PTPRD: variants seen among roughly 807,000 people sequenced by gnomAD.
PTPRD encodes the protein receptor-type tyrosine-protein phosphatase delta.
PTPRD carries 34 observed loss-of-function variants against 214.5 expected under a neutral mutation model. The ratio of observed to expected loss-of-function variants is 0.16; its 90% CI spans 0.12 to 0.21. The LOEUF (loss-of-function observed/expected upper bound fraction) is 0.21. PTPRD is among the 10% of genes least tolerant of loss of function. The probability of loss-of-function intolerance (pLI) is 1.00; values close to 1 mark genes in which losing one functional copy is unlikely to be tolerated. For synonymous variants in PTPRD, 1,128 were observed against 845.7 expected (o/e 1.33, Z -5.79); for missense variants, 2,545 against 2,398.7 (o/e 1.06, Z -1.27).
intron 11 of PTPRD, among the ~76,000 whole-genome samples, chr9:8,855,501 C>G (rs1343611917): frequency 2.6e-5 from 4 of 152,044 alleles, no homozygotes; most frequent in African/African-American, 9.7e-5. Flanking sequence ...CACCTTTTTA[C>G]ATGTCATGCA....
At chr9:9,616,808 C>A (rs2094897716) in intron 7 of PTPRD, among the ~76,000 whole-genome samples, 1 of 152,074 alleles carries the variant, frequency 6.6e-6, no homozygotes, top group Admixed American at 6.5e-5. Context: ...TATGGAGTAG[C>A]CACTATAATT....
intron 30 of PTPRD, among the ~76,000 whole-genome samples, chr9:8,480,250 A>G (rs996278990): frequency 6.6e-6 from 1 of 152,166 alleles, no homozygotes; most frequent in African/African-American, 2.4e-5. Context: ...GAGACGCTCT[A>G]TCCTCTGAGT....
chr9:9,624,942 GT>G (rs2095371047), intron 7 of PTPRD, among the ~76,000 whole-genome samples: 1 of 152,004 alleles, frequency 6.6e-6, no homozygotes, highest in African/African-American at 2.4e-5. Context: ...TTAACATTTG[GT>G]CAACACAATA....
chr9:9,326,707 T>G (rs772517499), intron 9 of PTPRD, among the ~76,000 whole-genome samples: 3 of 149,990 alleles, frequency 2.0e-5, no homozygotes, highest in African/African-American at 7.4e-5. Flanking sequence ...AACTAGAAAA[T>G]AAATGTCAGG....
intron 4 of PTPRD, among the ~76,000 whole-genome samples, chr9:9,978,311 A>C (rs1440306431): frequency 6.6e-6 from 1 of 152,174 alleles, no homozygotes; most frequent in Non-Finnish European, 1.5e-5. Context: ...AAAAAGGTGG[A>C]GAACATAGAT....
Position 8,783,003 on chromosome 9 carries a change from G to C in PTPRD, c.-103-49057C>G, listed in dbSNP as rs547244906. Among the ~76,000 whole-genome samples the C allele has an allele frequency of 4.6e-5, 7 of 152,216 alleles. No individual in the cohort carries two copies. In the South Asian group the frequency reaches 1.5e-3, roughly 32 times the overall value. On this transcript the variant is annotated intron_variant, in intron 11 of 45. Transcript: ENST00000381196. ...AATAGGTTTCTTCTCTACCCTTGCAGTTTTTCTCCATCCAACTAAATCTTA... is the reference window on the plus strand; with the variant it reads ...AATAGGTTTCTTCTCTACCCTTGCACTTTTTCTCCATCCAACTAAATCTTA...
intron 6 of PTPRD, among the ~76,000 whole-genome samples, chr9:9,751,739 C>G (rs958260154): frequency 5.3e-5 from 8 of 152,062 alleles, no homozygotes; most frequent in Admixed American, 4.6e-4. Flanking sequence ...AGCACACCAT[C>G]AGAGCTAGGA....
intron 44 of PTPRD, among the ~76,000 whole-genome samples, chr9:8,327,975 G>A (rs1209361605): frequency 6.6e-6 from 1 of 151,722 alleles, no homozygotes; most frequent in Non-Finnish European, 1.5e-5. Context: ...TTATCCAATT[G>A]GCCAGTGTGT....
intron 2 of PTPRD, among the ~76,000 whole-genome samples, chr9:10,555,088 A>G (rs944960581): frequency 2.0e-5 from 3 of 152,224 alleles, no homozygotes; most frequent in Non-Finnish European, 4.4e-5. Flanking sequence ...GTCCAGCTAG[A>G]GTCTTTGTAA....
In PTPRD at chr9:8,360,718, G is replaced by A. The variant is rs535826662; in HGVS notation, c.4661+15218C>T. Among the ~76,000 whole-genome samples the A allele has an allele frequency of 5.9e-5, 9 of 152,188 alleles. No homozygotes were observed. In the South Asian group the frequency reaches 8.3e-4, roughly 14 times the overall value. On this transcript the variant is annotated intron_variant, in intron 39 of 45. Transcript: ENST00000381196. ...ATTACACTTAGTAGTTCATCATCTC[G>A]TTTTATTACTGTGAGCCAAATTATC...
intron 2 of PTPRD, among the ~76,000 whole-genome samples, chr9:10,482,095 G>T (rs563430666): frequency 6.6e-6 from 1 of 152,182 alleles, no homozygotes; most frequent in Non-Finnish European, 1.5e-5. Flanking sequence ...ATGTTGGCCG[G>T]GCGCGGTGGC....
chr9:8,624,788 G>A (rs1189099466), intron 14 of PTPRD, among the ~76,000 whole-genome samples: 1 of 151,764 alleles, frequency 6.6e-6, no homozygotes, highest in Non-Finnish European at 1.5e-5. Context: ...GCTAGAAAGA[G>A]CATCTCTCTT....
chr9:8,763,646 C>G (rs1358420088), intron 11 of PTPRD, among the ~76,000 whole-genome samples: 2 of 150,520 alleles, frequency 1.3e-5, no homozygotes. Flanking sequence ...AGAAATAGCA[C>G]ACCTAAGAGA....
intron 10 of PTPRD, among the ~76,000 whole-genome samples, chr9:9,107,278 C>G (rs2099799967): frequency 6.6e-6 from 1 of 152,106 alleles, no homozygotes; most frequent in African/African-American, 2.4e-5. Context: ...CTAAATTCTG[C>G]TGCTAGAATA....
At chr9:10,229,549 G>T (rs899974272) in intron 3 of PTPRD, among the ~76,000 whole-genome samples, 2 of 152,048 alleles carry the variant, frequency 1.3e-5, no homozygotes, top group African/African-American at 2.4e-5. Context: ...CATGTCCTTT[G>T]TAGGGACATG....
chr9:10,303,633 A>G (rs573054022), intron 3 of PTPRD, among the ~76,000 whole-genome samples: 6 of 152,288 alleles, frequency 3.9e-5, no homozygotes, highest in African/African-American at 1.4e-4. Flanking sequence ...TACTATAATC[A>G]TCTGTAGGCA....
chr9:9,257,426 C>G (rs958733041), intron 9 of PTPRD, among the ~76,000 whole-genome samples: 4 of 151,890 alleles, frequency 2.6e-5, no homozygotes, highest in South Asian at 4.1e-4. Flanking sequence ...TCATCAAACT[C>G]AACTGCTCCT....
intron 3 of PTPRD, among the ~76,000 whole-genome samples, chr9:10,094,695 G>C (rs2098465955): frequency 6.6e-6 from 1 of 151,264 alleles, no homozygotes; most frequent in Non-Finnish European, 1.5e-5. Context: ...TGCAGAGCTT[G>C]ACTTCTCAAC....
At position 8,715,132 on chromosome 9, in the gene PTPRD, GA is replaced by G. The variant is rs200940671; in HGVS notation, c.64+18647del. On this transcript the variant is annotated intron_variant, in intron 12 of 45. Transcript: ENST00000381196. ...AAATGTGAATGCACAAAAGATCTAT[GA>G]AAAAAAAAAATAGCTGCTGTAAATT... 4.0e-3 allele frequency among the ~76,000 whole-genome samples: 581 copies of G among 146,764 alleles called. 3 individuals are homozygous for G. The highest frequency in any genetic ancestry group is 0.012 in the African/African-American group (466 of 40,108).
Sources: gnomAD v4.1 joint callset for allele counts (sites outside exome capture counted in the v4.1 genomes callset) on GRCh38, gnomAD v4.1.1 for gene constraint, MANE v1.5 for transcripts, NCBI Gene and HGNC (gene_info 2026-07-23, HGNC 2026-07-21) for gene names.